B3GALT1: variants seen among roughly 807,000 people sequenced by gnomAD.
The protein encoded by B3GALT1 is beta-1,3-galactosyltransferase 1, also known as UDP-Gal:betaGlcNAc beta 1,3-galactosyltransferase, polypeptide 1.
In B3GALT1, 10 loss-of-function variants were observed where a neutral mutation model predicts 23.2. The observed-to-expected ratio is 0.43, with a 90% CI of 0.27 to 0.73. The LOEUF is 0.73. Among genes scored for constraint, B3GALT1 ranks in the 30% least tolerant of loss-of-function variants. The pLI is 0.21. For missense variants in B3GALT1, 299 were observed against 405.4 expected (o/e 0.74, Z 2.25); for synonymous variants, 156 against 141.5 (o/e 1.10, Z -0.73).
At chr2:167,368,517 A>G (rs1229518469) in intron 1 of B3GALT1, among the ~76,000 whole-genome samples, 1 of 152,176 alleles carries the variant, frequency 6.6e-6, no homozygotes, top group African/African-American at 2.4e-5. Context: ...TGATCACTTC[A>G]TGGTGACACA....
At position 167,870,507 on chromosome 2, in the gene B3GALT1, G is replaced by A. The variant is rs1690324004; in HGVS notation, c.*487G>A. On this transcript the variant is annotated 3_prime_UTR_variant, in exon 5 of 5. Coordinates refer to ENST00000392690, the MANE Select transcript of B3GALT1 (RefSeq NM_020981.4). The stretch of plus-strand genomic sequence containing the variant: ...TTTTACATATATTCCCATGTAATGT[G>A]TACAGTCTTTGCAGTTCCACCAAGA... The A allele has an allele frequency of 1.8e-5, 3 of 168,044 alleles. No individual in the cohort carries two copies. Among genetic ancestry groups the A allele is most frequent in the Non-Finnish European group, 4.4e-5 (3 of 68,792 alleles). 10.4% of individuals were successfully genotyped at this position (168,044 alleles called of 1,614,324 possible).
At chr2:167,670,317 C>A (rs1248696496) in intron 3 of B3GALT1, among the ~76,000 whole-genome samples, 1 of 152,088 alleles carries the variant, frequency 6.6e-6, no homozygotes, top group Non-Finnish European at 1.5e-5. Flanking sequence ...AATTATCTTC[C>A]AAAGAGGAAA....
intron 1 of B3GALT1, among the ~76,000 whole-genome samples, chr2:167,470,946 A>T (rs114960629): frequency 1.3e-5 from 2 of 152,194 alleles, no homozygotes. Context: ...TTCCACAAAG[A>T]AAACAGTTTC....
At chr2:167,647,871 C>T (rs1017591148) in intron 3 of B3GALT1, among the ~76,000 whole-genome samples, 1 of 152,072 alleles carries the variant, frequency 6.6e-6, no homozygotes, top group Non-Finnish European at 1.5e-5. Context: ...GTGAAATAAG[C>T]ACATCATGAA....
chr2:167,503,679 G>C (rs1365526517), intron 2 of B3GALT1, among the ~76,000 whole-genome samples: 5 of 152,046 alleles, frequency 3.3e-5, no homozygotes, highest in Non-Finnish European at 7.4e-5. Flanking sequence ...TTCTTGAACA[G>C]CTTATTCATT....
At chr2:167,582,060 A>G (rs1179144088) in intron 2 of B3GALT1, among the ~76,000 whole-genome samples, 1 of 152,180 alleles carries the variant, frequency 6.6e-6, no homozygotes, top group East Asian at 1.9e-4. Flanking sequence ...GAACTGATTT[A>G]AAATGAAAGG....
intron 3 of B3GALT1, among the ~76,000 whole-genome samples, chr2:167,665,041 A>G (rs1043559308): frequency 4.1e-4 from 63 of 152,018 alleles, no homozygotes; most frequent in African/African-American, 1.4e-3. Flanking sequence ...GTCTTGTGCC[A>G]GTTTTCAAAG....
intron 1 of B3GALT1, among the ~76,000 whole-genome samples, chr2:167,395,578 T>C (rs888619414): frequency 2.6e-5 from 4 of 152,174 alleles, no homozygotes; most frequent in South Asian, 2.1e-4. Flanking sequence ...TTCAGACATC[T>C]GACTTCCAGA....
intron 2 of B3GALT1, among the ~76,000 whole-genome samples, chr2:167,512,594 GTA>G (rs60242658): frequency 0.029 from 1,648 of 57,294 alleles, 111 homozygotes; most frequent in Middle Eastern, 0.075. Context: ...ATATATATGT[GTA>G]TATATATATA....
chr2:167,754,152 T>C (rs1239703462), intron 3 of B3GALT1, among the ~76,000 whole-genome samples: 1 of 152,238 alleles, frequency 6.6e-6, no homozygotes, highest in Non-Finnish European at 1.5e-5. Context: ...GGCAAGTATC[T>C]GTGATGAATT....
At chr2:167,778,999 A>G (rs1285428200) in intron 3 of B3GALT1, among the ~76,000 whole-genome samples, 1 of 152,200 alleles carries the variant, frequency 6.6e-6, no homozygotes, top group Non-Finnish European at 1.5e-5. Context: ...GTCAATTCCT[A>G]CCCATTAACA....
At chr2:167,606,039 A>G (rs1165378176) in intron 2 of B3GALT1, among the ~76,000 whole-genome samples, 1 of 152,160 alleles carries the variant, frequency 6.6e-6, no homozygotes, top group Non-Finnish European at 1.5e-5. Context: ...CATTCCTGTC[A>G]CCTTAAAATC....
At chr2:167,387,509 T>A (rs1697947313) in intron 1 of B3GALT1, among the ~76,000 whole-genome samples, 1 of 152,172 alleles carries the variant, frequency 6.6e-6, no homozygotes, top group African/African-American at 2.4e-5. Context: ...TGAGGGAAAT[T>A]ACAAAGGGAA....
At chr2:167,709,339 G>T (rs1574224735) in intron 3 of B3GALT1, among the ~76,000 whole-genome samples, 1 of 152,200 alleles carries the variant, frequency 6.6e-6, no homozygotes, top group African/African-American at 2.4e-5. Context: ...TGAGCACTGT[G>T]CCCTGTGGAC....
chr2:167,787,807 C>A (rs1688368594), intron 3 of B3GALT1, among the ~76,000 whole-genome samples: 1 of 152,162 alleles, frequency 6.6e-6, no homozygotes, highest in African/African-American at 2.4e-5. Context: ...GAGAGGAGGT[C>A]AGCTGGAGAG....
At position 167,680,622 on chromosome 2, in the gene B3GALT1, G is replaced by A. The variant is rs546772720; in HGVS notation, c.-352+33656G>A. Among the ~76,000 whole-genome samples the A allele has an allele frequency of 2.8e-5, 4 of 142,428 alleles. No homozygotes were observed. The South Asian group carries it at 9.0e-4, about 32-fold the overall frequency. 93.4% of individuals were successfully genotyped at this position (142,428 alleles called of 152,430 possible). A position where few individuals can be genotyped will look rare whatever the true frequency, so the allele number is the denominator to read the frequency against. On this transcript the variant is annotated intron_variant, in intron 3 of 4. Coordinates refer to ENST00000392690, the MANE Select transcript of B3GALT1 (RefSeq NM_020981.4). ...TTCTCTAAATTCACAGATTCTGAAA[G>A]AGCTAGCTATTTGTGATTCATGTAG...
At chr2:167,386,139 A>T (rs1163726049) in intron 1 of B3GALT1, among the ~76,000 whole-genome samples, 1 of 152,178 alleles carries the variant, frequency 6.6e-6, no homozygotes, top group Non-Finnish European at 1.5e-5. Flanking sequence ...ATTGATACAC[A>T]GTAGGAACTC....
At chr2:167,574,905 A>C (rs1224075924) in intron 2 of B3GALT1, among the ~76,000 whole-genome samples, 1 of 151,728 alleles carries the variant, frequency 6.6e-6, no homozygotes, top group African/African-American at 2.4e-5. Context: ...AGAAAACTTC[A>C]ACTAAGGGCT....
At chr2:167,563,888 C>A (rs1259017758) in intron 2 of B3GALT1, among the ~76,000 whole-genome samples, 2 of 9,388 alleles carry the variant, frequency 2.1e-4, no homozygotes, top group African/African-American at 6.4e-4. Context: ...CCGGACGGGG[C>A]GGCCGGCCGG....
Sources: gnomAD v4.1 joint callset for allele counts (sites outside exome capture counted in the v4.1 genomes callset) on GRCh38, gnomAD v4.1.1 for gene constraint, MANE v1.5 for transcripts, NCBI Gene and HGNC (gene_info 2026-07-23, HGNC 2026-07-21) for gene names.